DENND2C: variants seen among roughly 807,000 people sequenced by gnomAD.
DENND2C encodes the protein DENN domain-containing protein 2C.
DENND2C carries 72 observed loss-of-function variants against 112.4 expected under a neutral mutation model. That is an observed-to-expected ratio of 0.64 (90% confidence interval 0.53 to 0.78). The LOEUF (loss-of-function observed/expected upper bound fraction) is 0.78. Ranked by LOEUF, DENND2C falls within the 30% of genes least tolerant of loss-of-function variation. The pLI, the probability that DENND2C is intolerant of heterozygous loss-of-function variation, is 0.00. For synonymous variants in DENND2C, 329 were observed against 381.6 expected (o/e 0.86, Z 1.61); for missense variants, 992 against 1,113.8 (o/e 0.89, Z 1.56).
At chr1:114,624,531 CT>C (rs1656274797) in intron 4 of DENND2C, among the ~76,000 whole-genome samples, 1 of 151,944 alleles carries the variant, frequency 6.6e-6, no homozygotes, top group African/African-American at 2.4e-5. Context: ...TGGTCTTGAA[CT>C]CCTGGCCTCA....
intron 16 of DENND2C, among the ~76,000 whole-genome samples, chr1:114,597,435 A>G (rs1655373841): frequency 6.7e-6 from 1 of 150,052 alleles, no homozygotes; most frequent in South Asian, 2.1e-4. Context: ...CAAGAGTGAG[A>G]CTTCATCTCA....
At chr1:114,623,297 A>C (rs1349382665) in intron 5 of DENND2C, among the ~76,000 whole-genome samples, 198 bp from the exon 6 acceptor site, 1 of 152,202 alleles carries the variant, frequency 6.6e-6, no homozygotes, top group African/African-American at 2.4e-5. Context: ...ATAATATATT[A>C]TAAACATGTA....
chr1:114,631,467 C>T (rs1195312319), intron 3 of DENND2C, among the ~76,000 whole-genome samples: 1 of 151,888 alleles, frequency 6.6e-6, no homozygotes, highest in African/African-American at 2.4e-5. Context: ...GAGACCTATA[C>T]CCAGGAGAAA....
chr1:114,623,840 A>T (rs1656256342), intron 4 of DENND2C, among the ~76,000 whole-genome samples, 197 bp from the exon 5 acceptor site: 1 of 152,110 alleles, frequency 6.6e-6, no homozygotes, highest in Admixed American at 6.6e-5. Flanking sequence ...GGTTCAAGCG[A>T]TTCTACATTG....
chr1:114,599,235 C>G, intron 16 of DENND2C, 39 bp downstream of exon 16: 1 of 1,497,700 alleles, frequency 6.7e-7, no homozygotes, highest in African/African-American at 1.4e-5. Context: ...ATTTTTACTT[C>G]TCAATGCTCC....
chr1:114,635,026 T>TAAAAAAAAAAAA (rs374636363), intron 3 of DENND2C, among the ~76,000 whole-genome samples: 1 of 94,702 alleles, frequency 1.1e-5, no homozygotes, highest in Non-Finnish European at 2.0e-5. Flanking sequence ...AGACTCCGTC[T>TAAAAAAAAAAAA]AAAAAAAAAA....
chr1:114,667,687 T>C (rs1252172481), intron 1 of DENND2C, among the ~76,000 whole-genome samples: 1 of 152,232 alleles, frequency 6.6e-6, no homozygotes, highest in Non-Finnish European at 1.5e-5. Context: ...TAGTTTTTTA[T>C]AGACCTCTTT....
At chr1:114,647,459 T>C (rs1041645196) in intron 2 of DENND2C, among the ~76,000 whole-genome samples, 5 of 152,156 alleles carry the variant, frequency 3.3e-5, no homozygotes, top group African/African-American at 4.8e-5. Flanking sequence ...TAATCCACTA[T>C]TGTACAACCT....
At chr1:114,588,274 A>T (rs1287151044) in intron 18 of DENND2C, among the ~76,000 whole-genome samples, 2 of 152,118 alleles carry the variant, frequency 1.3e-5, no homozygotes, top group Non-Finnish European at 2.9e-5. Flanking sequence ...TTCTATTTTT[A>T]TCTCCTTTAA....
chr1:114,602,389 G>C (rs1356899780), intron 11 of DENND2C, among the ~76,000 whole-genome samples, 195 bp from the exon 12 acceptor site: 1 of 152,116 alleles, frequency 6.6e-6, no homozygotes, highest in Non-Finnish European at 1.5e-5. Context: ...GATCTAAGAG[G>C]AGGCATAATA....
intron 2 of DENND2C, among the ~76,000 whole-genome samples, chr1:114,654,259 T>C (rs991115623): frequency 2.0e-5 from 3 of 152,058 alleles, no homozygotes; most frequent in African/African-American, 7.2e-5. Flanking sequence ...GGTGAAACCC[T>C]GTCTCTACTA....
chr1:114,619,331 TTAAG>T (rs147653967), intron 7 of DENND2C, among the ~76,000 whole-genome samples: 4,071 of 152,274 alleles, frequency 0.027, 192 homozygotes, highest in African/African-American at 0.093. Context: ...CAAGCTTTTC[TTAAG>T]TATTAGTCCT....
intron 1 of DENND2C, among the ~76,000 whole-genome samples, chr1:114,666,799 A>G (rs1657660960): frequency 6.6e-6 from 1 of 152,156 alleles, no homozygotes; most frequent in Non-Finnish European, 1.5e-5. Flanking sequence ...GTTATCTTAT[A>G]TCTTGTACTT....
chr1:114,599,376 G>A lies in DENND2C; in HGVS notation c.2181C>T (p.Val727=), dbSNP rs765682075. Residue 727 remains valine (V), a synonymous_variant, in exon 16 of 21, where the codon GTC becomes GTT. Transcript: ENST00000393274. ...CGATGTCAATCATAGATGCTGGCAG[G>A]ACTGGGATATAGGTATGCTGCCAGG... The part of the protein sequence containing the change: ...PFTWQHTYIP[V]LPASMIDIVC... 2 of 1,614,106 alleles carry A rather than the reference G, an allele frequency of 1.2e-6. No homozygotes were observed. Among genetic ancestry groups the A allele is most frequent in the African/African-American group, 1.3e-5 (1 of 75,022 alleles).
chr1:114,627,220 C>T (rs905316856), intron 3 of DENND2C, among the ~76,000 whole-genome samples: 8 of 152,162 alleles, frequency 5.3e-5, no homozygotes, highest in South Asian at 2.1e-4. Flanking sequence ...GCCCATAAAC[C>T]GTTTCCTTAT....
In DENND2C at chr1:114,594,511, C is replaced by T. The variant is rs768969571; in HGVS notation, c.2393G>A (p.Arg798Gln). The T allele has an allele frequency of 8.7e-6, 14 of 1,613,928 alleles. No individual in the cohort carries two copies. The highest frequency in any genetic ancestry group is 4.5e-5 in the East Asian group (2 of 44,862). ...CTGCTCCTGAGTCAAGATTTCATTT[C>T]GTTCTTCCAAAATCTGCATCAGGGC... The part of the protein sequence containing the change: ...QAALMQILEE[R>Q]NEILTQEQNF... The change falls in exon 18 of 21, where the codon CGA (arginine) becomes CAA (glutamine). Residue 798 changes from arginine to glutamine, a missense_variant. Arg to Gln is a conservative substitution (Grantham distance 43, BLOSUM62 1). This residue lies in a region of DENND2C where 516 missense variants were observed against 623.6 expected (regional missense o/e 0.83). Coordinates refer to ENST00000393274, the MANE Select transcript of DENND2C (RefSeq NM_001256404.2).
At chr1:114,586,592 T>C (rs1392097907) in intron 20 of DENND2C, 6 of 152,136 alleles carry the variant, frequency 3.9e-5, no homozygotes, top group Non-Finnish European at 8.8e-5. Context: ...ACTAGCATCA[T>C]GGTTTATGGT....
chr1:114,648,302 A>G (rs78160303), intron 2 of DENND2C, among the ~76,000 whole-genome samples: 10,282 of 152,308 alleles, frequency 0.068, 415 homozygotes, highest in Middle Eastern at 0.099. Context: ...GTTGGTAGAC[A>G]TAACAATAAT....
chr1:114,666,532 C>G lies in DENND2C; in HGVS notation c.-574+3451G>C, dbSNP rs569710517. ...GTGCAGGTGCACGACCTCAGCTCAC[C>G]GCAACCTCTGACTCCCTGGTTCAAA... is the stretch of plus-strand genomic sequence containing the variant. On this transcript the variant is annotated intron_variant, in intron 1 of 20. Transcript: ENST00000393274. Among the ~76,000 whole-genome samples the G allele has an allele frequency of 2.0e-5, 3 of 152,176 alleles. No homozygotes were observed. In the East Asian group the frequency reaches 5.8e-4, roughly 29 times the overall value.
Sources: gnomAD v4.1 joint callset for allele counts (sites outside exome capture counted in the v4.1 genomes callset) on GRCh38, gnomAD v4.1.1 for gene constraint, gnomAD v4.1.1 regional missense constraint, MANE v1.5 for transcripts, NCBI Gene and HGNC (gene_info 2026-07-23, HGNC 2026-07-21) for gene names.